Variants in TASOR observed in about 807,000 individuals in gnomAD.
TASOR encodes the protein transcription activation suppressor.
TASOR carries 53 observed loss-of-function variants against 178.6 expected under a neutral mutation model. The ratio of observed to expected loss-of-function variants is 0.30; its 90% CI spans 0.24 to 0.37. The LOEUF (loss-of-function observed/expected upper bound fraction) is 0.37, where lower values mean the gene tolerates loss of function less well. TASOR is among the 10% of genes least tolerant of loss of function. The pLI, the probability that TASOR is intolerant of heterozygous loss-of-function variation, is 1.00. For synonymous variants in TASOR, 713 were observed against 696.2 expected (o/e 1.02, Z -0.38); for missense variants, 1,815 against 1,971.4 (o/e 0.92, Z 1.50).
At position 56,646,774 on chromosome 3, in the gene TASOR, G is replaced by A. The variant is rs1343732078; in HGVS notation, c.1963C>T (p.Arg655Ter). 1.9e-6 allele frequency: 3 copies of A among 1,613,542 alleles called. No homozygotes were observed. Among genetic ancestry groups the A allele is most frequent in the Non-Finnish European group, 2.5e-6 (3 of 1,179,892 alleles). The change falls in exon 14 of 24, where the codon CGA becomes TGA. Residue 655 changes from arginine (R) to a stop codon, truncating the protein, a stop_gained. Coordinates refer to ENST00000683822, the MANE Select transcript of TASOR (RefSeq NM_001365635.2). LOFTEE classifies it high-confidence loss of function. ...MNGTKMKFGK[R>*]NNSRGEAIIS... Reference sequence around the variant, plus strand: ...ATGGCTTCACCTCTTGAGTTATTTCGTTTTCCAAATTTCATTTTTGTACCA... The same window carrying A: ...ATGGCTTCACCTCTTGAGTTATTTCATTTTCCAAATTTCATTTTTGTACCA...
intron 1 of TASOR, among the ~76,000 whole-genome samples, chr3:56,674,641 A>T (rs2107636846): frequency 6.6e-6 from 1 of 152,346 alleles, no homozygotes; most frequent in Non-Finnish European, 1.5e-5. Context: ...AGCTGGACAC[A>T]AATACCAGAC....
intron 18 of TASOR, among the ~76,000 whole-genome samples, chr3:56,632,239 G>A (rs1253932883): frequency 2.6e-5 from 4 of 152,096 alleles, no homozygotes; most frequent in Non-Finnish European, 5.9e-5. Context: ...TTGGGAGGCT[G>A]AGGTGGACGG....
In TASOR at chr3:56,621,429, C is replaced by A; in HGVS notation, c.*1608G>T. ...AAATTTTTGAATGACAAAATTTTAT[C>A]CTAAGCGATATGTTTTCCAAGTGAA... On this transcript the variant is annotated 3_prime_UTR_variant, in exon 24 of 24. Transcript: ENST00000683822. 1.3e-6 allele frequency: 1 copy of A among 798,670 alleles called. No homozygotes were observed. The highest frequency in any genetic ancestry group is 1.7e-5 in the African/African-American group (1 of 57,516). 49.5% of individuals were successfully genotyped at this position (798,670 alleles called of 1,614,324 possible).
At chr3:56,655,387 T>C (rs1454688921) in intron 11 of TASOR, among the ~76,000 whole-genome samples, 2 of 152,178 alleles carry the variant, frequency 1.3e-5, no homozygotes, top group Non-Finnish European at 2.9e-5. Context: ...TAACAAACCC[T>C]ATGTTTTTTC....
chr3:56,682,510 G>A (rs1245317318), intron 1 of TASOR, among the ~76,000 whole-genome samples, 166 bp downstream of exon 1: 2 of 151,426 alleles, frequency 1.3e-5, no homozygotes, highest in African/African-American at 2.4e-5. Context: ...GCTTTCTCTC[G>A]CACCAAACGC....
At chr3:56,631,483 A>G (rs1239676400) in intron 18 of TASOR, among the ~76,000 whole-genome samples, 2 of 152,026 alleles carry the variant, frequency 1.3e-5, no homozygotes, top group Non-Finnish European at 2.9e-5. Flanking sequence ...AATTGCTCCA[A>G]TGTGTTACCA....
intron 5 of TASOR, among the ~76,000 whole-genome samples, chr3:56,669,445 G>T (rs1205437895): frequency 3.3e-5 from 5 of 152,152 alleles, no homozygotes; most frequent in Non-Finnish European, 5.9e-5. Context: ...GGAGCTTGCA[G>T]TGAGCCAAGA....
intron 1 of TASOR, among the ~76,000 whole-genome samples, 197 bp from the exon 2 acceptor site, chr3:56,673,922 T>C (rs540793065): frequency 2.0e-5 from 3 of 152,246 alleles, no homozygotes; most frequent in African/African-American, 7.2e-5. Flanking sequence ...CATACACCAG[T>C]TCCTTCAACA....
At chr3:56,624,717 T>C in intron 22 of TASOR, 74 bp from the exon 23 acceptor site, 2 of 1,546,054 alleles carry the variant, frequency 1.3e-6, no homozygotes, top group Non-Finnish European at 1.8e-6. Context: ...ACAAAATCTT[T>C]TCCTTCACAT....
intron 21 of TASOR, among the ~76,000 whole-genome samples, chr3:56,625,210 C>T (rs79793035): frequency 0.05 from 7,602 of 152,264 alleles, 469 homozygotes; most frequent in East Asian, 0.31. Flanking sequence ...GTCGCGAGGC[C>T]TCAGGGCCAG....
intron 18 of TASOR, chr3:56,628,929 A>ATTTTTTTT (rs58944810): frequency 8.2e-6 from 1 of 122,210 alleles, no homozygotes; most frequent in Non-Finnish European, 1.6e-5. Context: ...TACCAGGCTA[A>ATTTTTTTT]TTTTTTTTTT....
At chr3:56,673,433 CAA>C (rs5849162) in intron 2 of TASOR, 145 bp downstream of exon 2, 12,695 of 192,956 alleles carry the variant, frequency 0.066, 33 homozygotes, top group South Asian at 0.11. Flanking sequence ...ACTCCGTCTC[CAA>C]AAAAAAAAAA....
chr3:56,644,056 A>C (rs1004426845), intron 14 of TASOR, among the ~76,000 whole-genome samples: 1 of 152,232 alleles, frequency 6.6e-6, no homozygotes, highest in Non-Finnish European at 1.5e-5. Context: ...CCAAAAAATA[A>C]GTATCTTATT....
At chr3:56,665,321 A>C (rs1025368203) in intron 7 of TASOR, among the ~76,000 whole-genome samples, 1 of 152,098 alleles carries the variant, frequency 6.6e-6, no homozygotes, top group African/African-American at 2.4e-5. Flanking sequence ...CCCCATTTCC[A>C]AGGGTGCTAA....
At chr3:56,681,087 TA>T (rs11310490) in intron 1 of TASOR, among the ~76,000 whole-genome samples, 23,112 of 117,846 alleles carry the variant, frequency 0.2, 2,061 homozygotes, top group South Asian at 0.45. Flanking sequence ...TAACAAACAG[TA>T]AAAAAAAAAA....
chr3:56,650,237 G>A (rs961955681), intron 11 of TASOR, among the ~76,000 whole-genome samples: 7 of 152,116 alleles, frequency 4.6e-5, no homozygotes, highest in Non-Finnish European at 7.4e-5. Flanking sequence ...AGTAAACAAC[G>A]CCTGTATAAA....
At position 56,638,762 on chromosome 3, in the gene TASOR, C is replaced by T; in HGVS notation, c.2768G>A (p.Gly923Glu). Residue 923 changes from glycine (G) to glutamate (E), a missense_variant, in exon 17 of 24, where the codon GGG becomes GAG. Physicochemically the swap from Gly to Glu is moderately conservative, Grantham distance 98. This residue lies in a region of TASOR where 655 missense variants were observed against 671.1 expected (regional missense o/e 0.98). Coordinates refer to ENST00000683822, the MANE Select transcript of TASOR (RefSeq NM_001365635.2). ...IHWKLIPITG[G>E]NARSPEDQLG... Reference sequence around the variant, plus strand: ...CTGGTCTTCTGGGCTTCTTGCATTCCCTCCTGAGGGAAAGCATCCATTAGA... The same window carrying T: ...CTGGTCTTCTGGGCTTCTTGCATTCTCTCCTGAGGGAAAGCATCCATTAGA... 1.2e-6 allele frequency: 2 copies of T among 1,614,052 alleles called. No individual in the cohort carries two copies. Among genetic ancestry groups the T allele is most frequent in the South Asian group, 2.2e-5 (2 of 91,080 alleles).
At chr3:56,649,864 A>G (rs17235705) in intron 11 of TASOR, among the ~76,000 whole-genome samples, 4,189 of 152,328 alleles carry the variant, frequency 0.027, 83 homozygotes, top group Non-Finnish European at 0.04. Flanking sequence ...GTTTACAAAC[A>G]TCACAATATT....
chr3:56,627,175 T>C (rs2076816937), intron 20 of TASOR, 30 bp from the exon 21 acceptor site: 1 of 1,282,984 alleles, frequency 7.8e-7, no homozygotes, highest in Admixed American at 2.0e-5. Context: ...TTGTTTTTAA[T>C]TCAATAAATA....
Sources: gnomAD v4.1 joint callset for allele counts (sites outside exome capture counted in the v4.1 genomes callset) on GRCh38, gnomAD v4.1.1 for gene constraint, gnomAD v4.1.1 regional missense constraint, MANE v1.5 for transcripts, NCBI Gene and HGNC (gene_info 2026-07-23, HGNC 2026-07-21) for gene names.